Variants in CNTNAP2 observed in about 807,000 individuals in gnomAD.
CNTNAP2 encodes the protein contactin-associated protein-like 2.
Under a neutral mutation model 155.2 loss-of-function variants are expected in CNTNAP2, and 98 were observed. The observed-to-expected ratio is 0.63, with a 90% confidence interval of 0.54 to 0.75. The LOEUF (loss-of-function observed/expected upper bound fraction) is 0.75. Ranked by LOEUF, CNTNAP2 falls within the 30% of genes least tolerant of loss-of-function variation. The pLI, the probability that CNTNAP2 is intolerant of heterozygous loss-of-function variation, is 0.00. For missense variants in CNTNAP2, 1,727 were observed against 1,688.1 expected (o/e 1.02, Z -0.40); for synonymous variants, 651 against 631.2 (o/e 1.03, Z -0.47).
intron 15 of CNTNAP2, among the ~76,000 whole-genome samples, chr7:148,008,012 C>A (rs79142447): frequency 0.038 from 5,852 of 152,028 alleles, 360 homozygotes; most frequent in African/African-American, 0.13. Context: ...TCTATAAATG[C>A]GGAGATTTTC....
intron 1 of CNTNAP2, among the ~76,000 whole-genome samples, chr7:146,727,805 G>A (rs1801456944): frequency 6.6e-6 from 1 of 152,110 alleles, no homozygotes; most frequent in Non-Finnish European, 1.5e-5. Flanking sequence ...TAAATATGTA[G>A]GTCAGGGTCT....
chr7:147,550,960 A>G (rs1799841281), intron 11 of CNTNAP2, among the ~76,000 whole-genome samples: 1 of 152,196 alleles, frequency 6.6e-6, no homozygotes, highest in Non-Finnish European at 1.5e-5. Context: ...GTATCCATAA[A>G]AAATACTATT....
intron 1 of CNTNAP2, among the ~76,000 whole-genome samples, chr7:146,284,233 G>A (rs573379521): frequency 4.0e-4 from 61 of 152,230 alleles, no homozygotes; most frequent in South Asian, 3.7e-3. Flanking sequence ...AAATTGTATC[G>A]TTAGCATTGC....
intron 3 of CNTNAP2, among the ~76,000 whole-genome samples, chr7:146,901,392 AG>A (rs1302149152): frequency 6.6e-6 from 1 of 152,226 alleles, no homozygotes. Context: ...CAATTAAAAT[AG>A]CTTTCTGTAT....
intron 1 of CNTNAP2, among the ~76,000 whole-genome samples, chr7:146,204,371 G>A (rs1325504564): frequency 6.6e-6 from 1 of 152,096 alleles, no homozygotes; most frequent in Non-Finnish European, 1.5e-5. Flanking sequence ...AGAGTATAAT[G>A]GGAATTGTAA....
intron 3 of CNTNAP2, among the ~76,000 whole-genome samples, chr7:146,848,236 A>G (rs1190625956): frequency 6.6e-6 from 1 of 152,174 alleles, no homozygotes; most frequent in Non-Finnish European, 1.5e-5. Context: ...TTGATATTTG[A>G]AGAACTCTCA....
chr7:146,721,595 T>TATACATTCTATATATATAG (rs1585058414), intron 1 of CNTNAP2, among the ~76,000 whole-genome samples: 2 of 118,792 alleles, frequency 1.7e-5, no homozygotes, highest in East Asian at 4.5e-4. Flanking sequence ...TATATATATA[T>TATACATTCTATATATATAG]TCTATATACA....
intron 11 of CNTNAP2, among the ~76,000 whole-genome samples, chr7:147,501,160 A>C (rs1798804333): frequency 6.6e-6 from 1 of 151,966 alleles, no homozygotes; most frequent in African/African-American, 2.4e-5. Context: ...GACACAGAAG[A>C]AGCATTTGAC....
At chr7:147,278,157 C>G (rs187760336) in intron 8 of CNTNAP2, among the ~76,000 whole-genome samples, 1 of 150,350 alleles carries the variant, frequency 6.7e-6, no homozygotes, top group East Asian at 2.0e-4. Context: ...GCCTCCTACA[C>G]TTCCATCCCT....
At chr7:146,407,470 G>A (rs1795808663) in intron 1 of CNTNAP2, among the ~76,000 whole-genome samples, 1 of 152,106 alleles carries the variant, frequency 6.6e-6, no homozygotes, top group Non-Finnish European at 1.5e-5. Context: ...TAAATTCACT[G>A]TTATAGTGTA....
At chr7:146,643,464 A>G (rs949429630) in intron 1 of CNTNAP2, among the ~76,000 whole-genome samples, 4 of 152,024 alleles carry the variant, frequency 2.6e-5, no homozygotes, top group African/African-American at 9.7e-5. Context: ...AAGATCAGAT[A>G]GTTGTAGATA....
chr7:146,326,281 A>G (rs1308461475), intron 1 of CNTNAP2, among the ~76,000 whole-genome samples: 1 of 400 alleles, frequency 2.5e-3, no homozygotes, highest in East Asian at 0.17. Context: ...TTTTTCACTC[A>G]TTTATATACA....
At chr7:147,696,100 A>G (rs2116998253) in intron 13 of CNTNAP2, among the ~76,000 whole-genome samples, 1 of 152,266 alleles carries the variant, frequency 6.6e-6, no homozygotes, top group African/African-American at 2.4e-5. Flanking sequence ...TACAACACAT[A>G]TTGTTAGGTT....
At chr7:147,571,424 A>G (rs1365478736) in intron 12 of CNTNAP2, among the ~76,000 whole-genome samples, 1 of 151,694 alleles carries the variant, frequency 6.6e-6, no homozygotes, top group African/African-American at 2.4e-5. Flanking sequence ...AGCTTTACAT[A>G]ATTTGTATAT....
At chr7:147,414,768 C>T (rs549444436) in intron 10 of CNTNAP2, among the ~76,000 whole-genome samples, 12 of 151,652 alleles carry the variant, frequency 7.9e-5, no homozygotes, top group Middle Eastern at 6.9e-3. Flanking sequence ...GGTGAAACCC[C>T]GTCTCTACTA....
intron 1 of CNTNAP2, among the ~76,000 whole-genome samples, chr7:146,327,560 A>T (rs1039866976): frequency 6.6e-6 from 1 of 152,258 alleles, no homozygotes; most frequent in African/African-American, 2.4e-5. Context: ...CAGTTCATCT[A>T]GCAAGCAGTC....
At chr7:146,122,304 C>T (rs1797574823) in intron 1 of CNTNAP2, among the ~76,000 whole-genome samples, 1 of 152,212 alleles carries the variant, frequency 6.6e-6, no homozygotes, top group Non-Finnish European at 1.5e-5. Context: ...GTGTTCGGTT[C>T]TTCCTATGGC....
At chr7:146,306,028 G>C (rs1048535386) in intron 1 of CNTNAP2, among the ~76,000 whole-genome samples, 9 of 151,580 alleles carry the variant, frequency 5.9e-5, no homozygotes, top group Non-Finnish European at 1.3e-4. Flanking sequence ...AAAGAGAGAA[G>C]AATCAAATAG....
chr7:147,955,673 C>T (rs1368031243), intron 14 of CNTNAP2, among the ~76,000 whole-genome samples: 1 of 152,076 alleles, frequency 6.6e-6, no homozygotes, highest in Non-Finnish European at 1.5e-5. Flanking sequence ...GCCTGCTCCC[C>T]ACCTCAGCTA....
Sources: allele counts gnomAD v4.1 joint callset (sites outside exome capture counted in the v4.1 genomes callset), GRCh38; gene constraint gnomAD v4.1.1; transcripts MANE v1.5; gene names NCBI Gene and HGNC (gene_info 2026-07-23, HGNC 2026-07-21).